Variants in PLA2G4C observed in about 807,000 individuals in gnomAD.
PLA2G4C encodes cytosolic phospholipase A2 gamma.
A neutral mutation model predicts 73.8 loss-of-function variants in PLA2G4C; 64 were observed. That is an observed-to-expected ratio of 0.87 (90% CI 0.71 to 1.07). PLA2G4C has a LOEUF of 1.07. Among genes scored for constraint, PLA2G4C ranks in the 50% least tolerant of loss-of-function variants. The pLI is 0.00. For synonymous variants in PLA2G4C, 254 were observed against 252.1 expected (o/e 1.01, Z -0.07); for missense variants, 622 against 665.4 (o/e 0.93, Z 0.72).
In PLA2G4C at chr19:48,105,939, C is replaced by CTTTCTT. The variant is rs1568457630; in HGVS notation, c.9-496_9-495insAAGAAA. On this transcript the variant is annotated intron_variant, in intron 2 of 16. Transcript: ENST00000599921. ...CCTCCCTCCCTCCCTCCCTCCCTCCCTCCCTCCCTTCTTTCTTTCTTTCTT... is the reference window on the plus strand; with the variant it reads ...CCTCCCTCCCTCCCTCCCTCCCTCCCTTTCTTTCCCTCCCTTCTTTCTTTCTTTCTT... 1.6e-4 allele frequency among the ~76,000 whole-genome samples: 2 copies of CTTTCTT among 12,148 alleles called. 1 individual carries two copies. Among genetic ancestry groups the CTTTCTT allele is most frequent in the African/African-American group, 1.6e-3 (2 of 1,256 alleles). The allele number at this position is 12,148 out of a possible 152,430, so 8.0% of individuals were successfully genotyped here.
chr19:48,059,020 C>T (rs967249868), intron 14 of PLA2G4C, among the ~76,000 whole-genome samples: 3 of 152,082 alleles, frequency 2.0e-5, no homozygotes, highest in African/African-American at 7.2e-5. Flanking sequence ...CGCCTGTAAT[C>T]CCTGCACTTT....
At chr19:48,098,355 T>C in intron 5 of PLA2G4C, 96 bp from the exon 6 acceptor site, 1 of 1,158,320 alleles carries the variant, frequency 8.6e-7, no homozygotes, top group Non-Finnish European at 1.2e-6. Context: ...TAGAGGGGTC[T>C]CAGTCTGTCA....
At chr19:48,086,978 G>T (rs11564573) in intron 9 of PLA2G4C, among the ~76,000 whole-genome samples, 4,177 of 152,238 alleles carry the variant, frequency 0.027, 147 homozygotes, top group African/African-American at 0.084. Context: ...CGAGGACAGG[G>T]GACATTACCG....
chr19:48,060,856 T>C (rs1368886453), intron 14 of PLA2G4C, among the ~76,000 whole-genome samples: 2 of 152,108 alleles, frequency 1.3e-5, no homozygotes, highest in East Asian at 1.9e-4. Context: ...TGTAAACTGA[T>C]AGAAGTGTGT....
In PLA2G4C at chr19:48,093,462, C is replaced by CAG. The variant is rs147169468; in HGVS notation, c.709+2000_709+2001dup. Among the ~76,000 whole-genome samples the CAG allele has an allele frequency of 2.2e-3, 325 of 150,304 alleles. 1 individual carries two copies. Among genetic ancestry groups the CAG allele is most frequent in the African/African-American group, 7.1e-3 (294 of 41,224 alleles). On this transcript the variant is annotated intron_variant, in intron 7 of 16. Transcript: ENST00000599921. Reference sequence around the variant, plus strand: ...TACACACCCACCCCTAATCCATGCTCAGAGAGAGAGAGAGAGAGTGAGATG... The same window carrying CAG: ...TACACACCCACCCCTAATCCATGCTCAGAGAGAGAGAGAGAGAGAGTGAGATG...
intron 10 of PLA2G4C, among the ~76,000 whole-genome samples, chr19:48,080,682 A>G (rs2030490497): frequency 6.6e-6 from 1 of 151,814 alleles, no homozygotes; most frequent in South Asian, 2.1e-4. Context: ...GGTGGTGCAC[A>G]TCTGTAGTCC....
chr19:48,054,973 A>G lies in PLA2G4C; in HGVS notation c.1334T>C (p.Leu445Ser). The G allele has an allele frequency of 6.2e-7, 1 of 1,613,810 alleles. No individual in the cohort carries two copies. The highest frequency in any genetic ancestry group is 1.1e-5 in the South Asian group (1 of 91,070). ...FPQVEEAELD[L>S]WSKAPASCYI... ...GCAGCTGGCGGGGGCCTTGGACCAC[A>G]AATCCAGCTCAGCCTCTTCTACTTG... The change falls in exon 15 of 17, where the codon TTG becomes TCG. Residue 445 changes from leucine to serine, a missense_variant. By Grantham distance (145) the Leu-to-Ser change is moderately radical. Coordinates refer to ENST00000599921, the MANE Select transcript of PLA2G4C (RefSeq NM_003706.3).
chr19:48,099,788 G>C lies in PLA2G4C; in HGVS notation c.330C>G (p.Thr110=). The C allele has an allele frequency of 6.2e-7, 1 of 1,613,794 alleles. No individual in the cohort carries two copies. The highest frequency in any genetic ancestry group is 8.5e-7 in the Non-Finnish European group (1 of 1,179,744). The change falls in exon 5 of 17, where the codon ACC becomes ACG. Residue 110 remains threonine (T), a synonymous_variant. Coordinates refer to ENST00000599921, the MANE Select transcript of PLA2G4C (RefSeq NM_003706.3). ...TCTTAGCCAAGTCCCACTCCTGTCG[G>C]GTAAATCGATGTTTCAGGTCAGCCT... ...ALEADLKHRF[T]RQEWDLAKSL...
chr19:48,058,787 C>A (rs1393711405), intron 14 of PLA2G4C, among the ~76,000 whole-genome samples: 1 of 149,626 alleles, frequency 6.7e-6, no homozygotes, highest in African/African-American at 2.5e-5. Context: ...CACAGCACAC[C>A]AGCCTGGGCG....
intron 4 of PLA2G4C, among the ~76,000 whole-genome samples, chr19:48,100,810 A>G (rs1380143059): frequency 6.8e-6 from 1 of 147,348 alleles, no homozygotes; most frequent in Non-Finnish European, 1.5e-5. Context: ...GCTACTCGAG[A>G]GGCTGAGGCA....
At chr19:48,109,580 G>T (rs2032385203) in intron 1 of PLA2G4C, among the ~76,000 whole-genome samples, 1 of 152,126 alleles carries the variant, frequency 6.6e-6, no homozygotes, top group Non-Finnish European at 1.5e-5. Flanking sequence ...CCAGACATAG[G>T]CTCTTAAAGG....
chr19:48,069,615 T>A (rs1211271940), intron 12 of PLA2G4C, among the ~76,000 whole-genome samples: 2 of 152,112 alleles, frequency 1.3e-5, no homozygotes, highest in Non-Finnish European at 2.9e-5. Context: ...ATTTCCCTCT[T>A]CCTGGTTTTT....
intron 16 of PLA2G4C, among the ~76,000 whole-genome samples, chr19:48,049,370 G>T (rs1967635431): frequency 6.6e-6 from 1 of 152,070 alleles, no homozygotes; most frequent in Admixed American, 6.6e-5. Flanking sequence ...TGCCTTCCCA[G>T]ACCCCCAGAC....
chr19:48,109,126 C>T (rs942851790), intron 1 of PLA2G4C, among the ~76,000 whole-genome samples: 3 of 152,140 alleles, frequency 2.0e-5, no homozygotes, highest in African/African-American at 7.2e-5. Context: ...TGTTAGCTTT[C>T]TCTCATTACT....
chr19:48,048,123 C>A lies in PLA2G4C; in HGVS notation c.*220G>T. The A allele has an allele frequency of 1.9e-6, 1 of 530,574 alleles. No homozygotes were observed. The highest frequency in any genetic ancestry group is 3.3e-6 in the Non-Finnish European group (1 of 306,228). The allele number at this position is 530,574 out of a possible 1,614,324, so 32.9% of individuals were successfully genotyped here. A position where few individuals can be genotyped will look rare whatever the true frequency, so the allele number is the denominator to read the frequency against. On this transcript the variant is annotated 3_prime_UTR_variant, in exon 17 of 17. Coordinates refer to ENST00000599921, the MANE Select transcript of PLA2G4C (RefSeq NM_003706.3). ...AGGATCTCCCGAGGGACCTGCAGGA[C>A]AAATTTCACCACCTTCAGCTCCTTG... is the stretch of plus-strand genomic sequence containing the variant.
At chr19:48,093,337 C>G (rs144488433) in intron 7 of PLA2G4C, among the ~76,000 whole-genome samples, 1 of 152,230 alleles carries the variant, frequency 6.6e-6, no homozygotes, top group African/African-American at 2.4e-5. Flanking sequence ...TTCCAGAGTC[C>G]ATCCACTTCC....
intron 12 of PLA2G4C, among the ~76,000 whole-genome samples, chr19:48,069,656 G>T (rs921342675): frequency 2.0e-5 from 3 of 152,196 alleles, no homozygotes; most frequent in East Asian, 3.8e-4. Flanking sequence ...AACAGCAGGG[G>T]CAGAGTGGCA....
chr19:48,054,473 A>T (rs1372854015), intron 15 of PLA2G4C, among the ~76,000 whole-genome samples: 25 of 141,570 alleles, frequency 1.8e-4, no homozygotes, highest in South Asian at 4.6e-4. Flanking sequence ...CCAGCAATTT[A>T]TTTTTTTTTG....
At chr19:48,098,812 G>A (rs549897333) in intron 5 of PLA2G4C, among the ~76,000 whole-genome samples, 1 of 150,596 alleles carries the variant, frequency 6.6e-6, no homozygotes, top group Non-Finnish European at 1.5e-5. Context: ...TGAGCTGAGA[G>A]GATTGCTTGA....
Sources: gnomAD v4.1 joint callset for allele counts (sites outside exome capture counted in the v4.1 genomes callset) on GRCh38, gnomAD v4.1.1 for gene constraint, MANE v1.5 for transcripts, NCBI Gene and HGNC (gene_info 2026-07-23, HGNC 2026-07-21) for gene names.